Variants in COL4A5 observed in about 807,000 individuals in gnomAD.
The protein encoded by COL4A5 is collagen type IV alpha 5 chain, also known as collagen alpha-5(IV) chain.
COL4A5 carries 26 observed loss-of-function variants against 130.2 expected under a neutral mutation model. The observed-to-expected ratio is 0.20, with a 90% CI of 0.15 to 0.28. The LOEUF (loss-of-function observed/expected upper bound fraction) is 0.28. Ranked by LOEUF, COL4A5 falls within the 10% of genes least tolerant of loss-of-function variation. COL4A5 has a pLI of 1.00. For missense variants in COL4A5, 1,131 were observed against 1,344.3 expected (o/e 0.84, Z 2.48); for synonymous variants, 496 against 439.6 (o/e 1.13, Z -1.60).
intron 1 of COL4A5, among the ~76,000 whole-genome samples, chrX:108,474,309 T>C (rs2064810899): frequency 8.9e-6 from 1 of 112,095 alleles, no homozygotes; most frequent in African/African-American, 3.2e-5. Flanking sequence ...TTTCATATCA[T>C]ATTTTACTGT....
rs3081023 is a variant in COL4A5, at chrX:108,483,223, ATG to A, written c.81+43041_81+43042del. 1.3e-3 allele frequency among the ~76,000 whole-genome samples: 121 copies of A among 93,329 alleles called. 1 individual carries two copies. Among genetic ancestry groups the A allele is most frequent in the South Asian group, 7.8e-3 (17 of 2,192 alleles). The allele number at this position is 93,329 out of a possible 115,157, so 81.0% of individuals were successfully genotyped here. On this transcript the variant is annotated intron_variant, in intron 1 of 52. Transcript: ENST00000328300. Reference sequence around the variant, plus strand: ...AGGATATGTGTGTGTGTGTGTGTGTATGTGTGTGTGTGTGTGTGTGTGTGTAT... The same window carrying A: ...AGGATATGTGTGTGTGTGTGTGTGTATGTGTGTGTGTGTGTGTGTGTGTAT...
At chrX:108,447,073 C>T (rs997599272) in intron 1 of COL4A5, among the ~76,000 whole-genome samples, 6 of 110,990 alleles carry the variant, frequency 5.4e-5, no homozygotes, top group Non-Finnish European at 9.4e-5. Flanking sequence ...CTCCCTCCCC[C>T]AGAAGAGTTT....
At chrX:108,695,850 G>A (rs1300689114) in intron 52 of COL4A5, 7 of 232,390 alleles carry the variant, frequency 3.0e-5, no homozygotes, top group Admixed American at 6.6e-5. Flanking sequence ...CAAGACATAC[G>A]TAATGTATGT....
intron 1 of COL4A5, among the ~76,000 whole-genome samples, chrX:108,488,514 C>G (rs774957499): frequency 8.9e-5 from 10 of 112,008 alleles, no homozygotes; most frequent in Non-Finnish European, 1.5e-4. Flanking sequence ...CCAGAATGTC[C>G]TCTATAGAAG....
intron 1 of COL4A5, among the ~76,000 whole-genome samples, chrX:108,463,166 G>A (rs2064670814): frequency 9.0e-6 from 1 of 111,717 alleles, no homozygotes; most frequent in South Asian, 3.7e-4. Flanking sequence ...AAAAAAGGAA[G>A]AATTTTAAAA....
At chrX:108,538,624 G>T (rs761183089) in intron 1 of COL4A5, among the ~76,000 whole-genome samples, 1 of 111,405 alleles carries the variant, frequency 9.0e-6, no homozygotes, top group Admixed American at 9.6e-5. Flanking sequence ...GCAGGCTAAG[G>T]TATTTTATAT....
chrX:108,532,346 G>C lies in COL4A5; in HGVS notation c.82-7400G>C, dbSNP rs765841390. On this transcript the variant is annotated intron_variant, in intron 1 of 52. Coordinates refer to ENST00000328300, the MANE Select transcript of COL4A5 (RefSeq NM_033380.3). ...ACAAAACAATATGACCATCTCAATA[G>C]ATGCAGAAAAGGCATTTGATAAAAT... 3.6e-5 allele frequency among the ~76,000 whole-genome samples: 4 copies of C among 111,792 alleles called. No homozygotes were observed. In the South Asian group the frequency reaches 1.5e-3, roughly 42 times the overall value.
intron 1 of COL4A5, among the ~76,000 whole-genome samples, chrX:108,473,310 G>C (rs975763056): frequency 1.4e-4 from 15 of 109,195 alleles, no homozygotes; most frequent in Non-Finnish European, 2.9e-4. Context: ...ACACAAAAAA[G>C]TTAACTGTAA....
At chrX:108,441,745 C>A (rs73535506) in intron 1 of COL4A5, among the ~76,000 whole-genome samples, 11,624 of 111,315 alleles carry the variant, frequency 0.1, 1,300 homozygotes, top group African/African-American at 0.34. Flanking sequence ...CCCTCTGTTT[C>A]TGGCATTTGG....
intron 49 of COL4A5, 92 bp downstream of exon 49, chrX:108,687,786 T>G: frequency 1.3e-6 from 1 of 789,209 alleles, no homozygotes; most frequent in East Asian, 3.1e-5. Flanking sequence ...CCAAAGTGCC[T>G]CTCTCTATTC....
intron 36 of COL4A5, among the ~76,000 whole-genome samples, chrX:108,628,375 C>T (rs753026961): frequency 2.7e-4 from 30 of 111,303 alleles, no homozygotes; most frequent in African/African-American, 9.7e-4. Flanking sequence ...AGTAACTCTA[C>T]ACCTTTATAC....
At position 108,527,478 on chromosome X, in the gene COL4A5, A is replaced by G. The variant is rs1023877726; in HGVS notation, c.82-12268A>G. Among the ~76,000 whole-genome samples, 11 of 111,513 alleles carry G rather than the reference A, an allele frequency of 9.9e-5. No homozygotes were observed. The East Asian group carries it at 3.1e-3, about 32-fold the overall frequency. On this transcript the variant is annotated intron_variant, in intron 1 of 52. Transcript: ENST00000328300. ...ATATTACCAATGTGTATTTCTTTCA[A>G]TTCTATATTTTAAATGCCACAGTAT...
At chrX:108,500,967 A>AT (rs2065074718) in intron 1 of COL4A5, among the ~76,000 whole-genome samples, 1 of 111,131 alleles carries the variant, frequency 9.0e-6, no homozygotes, top group Non-Finnish European at 1.9e-5. Flanking sequence ...AAGAAACAAA[A>AT]TAATTAGAGA....
At chrX:108,602,847 G>A in intron 27 of COL4A5, 117 bp from the exon 28 acceptor site, 1 of 534,536 alleles carries the variant, frequency 1.9e-6, no homozygotes, top group South Asian at 2.6e-5. Context: ...ATGTCATTGT[G>A]CTTTTGACAT....
At chrX:108,665,663 T>C (rs1179223923) in intron 38 of COL4A5, 76 bp downstream of exon 38, 23 of 699,592 alleles carry the variant, frequency 3.3e-5, no homozygotes, top group South Asian at 1.6e-4. Context: ...AGTCAAATCA[T>C]GTTCAGCTGT....
At chrX:108,500,258 C>G (rs189049979) in intron 1 of COL4A5, among the ~76,000 whole-genome samples, 1 of 112,084 alleles carries the variant, frequency 8.9e-6, no homozygotes, top group African/African-American at 3.2e-5. Flanking sequence ...CACCCAAGAG[C>G]GGAACATTAA....
In COL4A5 at chrX:108,615,030, A is replaced by G. The variant is rs760306316; in HGVS notation, c.2509+6A>G. On this transcript the variant is annotated splice_donor_region_variant and intron_variant, in intron 30 of 52. Coordinates refer to ENST00000328300, the MANE Select transcript of COL4A5 (RefSeq NM_033380.3). ...TGGGCCAATAGGTCAACCTGGTAAG[A>G]TTAGAGTAAATGTGCATTTTGTAGC... The G allele has an allele frequency of 1.8e-6, 2 of 1,117,490 alleles. No homozygotes were observed. Among genetic ancestry groups the G allele is most frequent in the Non-Finnish European group, 1.2e-6 (1 of 810,060 alleles). 92.1% of individuals were successfully genotyped at this position (1,117,490 alleles called of 1,213,427 possible). A position where few individuals can be genotyped will look rare whatever the true frequency, so the allele number is the denominator to read the frequency against.
intron 36 of COL4A5, among the ~76,000 whole-genome samples, chrX:108,654,781 T>A (rs2067804073): frequency 8.9e-6 from 1 of 112,569 alleles, no homozygotes; most frequent in African/African-American, 3.2e-5. Flanking sequence ...GACTTCCTTA[T>A]GTTACAGTGA....
intron 1 of COL4A5, among the ~76,000 whole-genome samples, chrX:108,441,277 A>G (rs16985479): frequency 0.1 from 11,714 of 112,218 alleles, 1,302 homozygotes; most frequent in African/African-American, 0.34. Flanking sequence ...CATTATGGAT[A>G]GTTTTAAAAA....
Sources: gnomAD v4.1 joint callset for allele counts (sites outside exome capture counted in the v4.1 genomes callset) on GRCh38, gnomAD v4.1.1 for gene constraint, MANE v1.5 for transcripts, NCBI Gene and HGNC (gene_info 2026-07-23, HGNC 2026-07-21) for gene names.